Variants in MBD5 observed in about 807,000 individuals in gnomAD.
MBD5 encodes the protein methyl-CpG binding domain protein 5.
Under a neutral mutation model 117.3 loss-of-function variants are expected in MBD5, and 13 were observed. The observed-to-expected ratio is 0.11, with a 90% confidence interval of 0.07 to 0.18. The LOEUF (loss-of-function observed/expected upper bound fraction) is 0.18, where lower values mean the gene tolerates loss of function less well. Ranked by LOEUF, MBD5 falls within the 10% of genes least tolerant of loss-of-function variation. The pLI is 1.00. For synonymous variants in MBD5, 727 were observed against 766.4 expected, an observed-to-expected ratio of 0.95 and a Z score of 0.85; for missense variants, 1,879 against 2,093.8, an observed-to-expected ratio of 0.90 and a Z score of 2.00.
In MBD5 at chr2:148,484,135, G is replaced by T; in HGVS notation, c.3544G>T (p.Gly1182Cys). 5 of 1,405,106 alleles carry T rather than the reference G, an allele frequency of 3.6e-6. No individual in the cohort carries two copies. The highest frequency in any genetic ancestry group is 3.4e-5 in the South Asian group (2 of 58,972). 87.0% of individuals were successfully genotyped at this position (1,405,106 alleles called of 1,614,324 possible). ...LNPLLGTGLL[G>C]DMSSINNTLS... ...CCCTCTACTGGGGACAGGTCTACTT[G>T]GTAAGTTAAATTTTTTCACAAATTT... Residue 1182 changes from glycine (G) to cysteine (C), a missense_variant and splice_region_variant, in exon 9 of 14, where the codon GGT becomes TGT. By Grantham distance (159) the Gly-to-Cys change is radical (BLOSUM62 -3). Coordinates refer to ENST00000642680, the MANE Select transcript of MBD5 (RefSeq NM_001378120.1).
At chr2:148,037,764 C>T (rs1694235178) in intron 1 of MBD5, among the ~76,000 whole-genome samples, 1 of 151,918 alleles carries the variant, frequency 6.6e-6, no homozygotes, top group Admixed American at 6.6e-5. Flanking sequence ...CATAAATGTT[C>T]ATTAATTCAG....
chr2:148,239,713 A>ACACACACACACACACACACT (rs1211619742), intron 3 of MBD5, among the ~76,000 whole-genome samples: 2 of 151,818 alleles, frequency 1.3e-5, no homozygotes, highest in Non-Finnish European at 2.9e-5. Flanking sequence ...ACACACACAC[A>ACACACACACACACACACACT]CACACATATA....
chr2:148,197,428 GT>G (rs1314245767), intron 2 of MBD5, among the ~76,000 whole-genome samples: 1 of 152,162 alleles, frequency 6.6e-6, no homozygotes, highest in Non-Finnish European at 1.5e-5. Context: ...ACAAAAAAAG[GT>G]TCTGTTTCCA....
chr2:148,172,307 G>C (rs1005564955), intron 1 of MBD5, among the ~76,000 whole-genome samples: 13 of 152,198 alleles, frequency 8.5e-5, no homozygotes, highest in African/African-American at 3.1e-4. Context: ...CTGCTGCCTG[G>C]CCTCTCCTTG....
At chr2:148,487,494 A>G (rs1681375464) in intron 10 of MBD5, among the ~76,000 whole-genome samples, 1 of 152,204 alleles carries the variant, frequency 6.6e-6, no homozygotes, top group African/African-American at 2.4e-5. Context: ...TAATATATAT[A>G]TCTTCCATAG....
chr2:148,211,383 A>G (rs1699418208), intron 2 of MBD5, among the ~76,000 whole-genome samples: 1 of 152,164 alleles, frequency 6.6e-6, no homozygotes, highest in Non-Finnish European at 1.5e-5. Flanking sequence ...TTCATTTGGT[A>G]TAAAAAGAAT....
At chr2:148,039,518 T>G (rs1694297949) in intron 1 of MBD5, among the ~76,000 whole-genome samples, 1 of 152,128 alleles carries the variant, frequency 6.6e-6, no homozygotes, top group African/African-American at 2.4e-5. Context: ...ACTCGAGGCT[T>G]AAAATGTTGG....
chr2:148,498,226 C>T (rs921438532), intron 11 of MBD5, among the ~76,000 whole-genome samples: 1 of 152,214 alleles, frequency 6.6e-6, no homozygotes, highest in African/African-American at 2.4e-5. Flanking sequence ...AGCTCTGCTT[C>T]AGCAATAAGG....
intron 3 of MBD5, among the ~76,000 whole-genome samples, chr2:148,306,759 A>G (rs922209278): frequency 1.3e-5 from 2 of 152,194 alleles, no homozygotes; most frequent in Non-Finnish European, 2.9e-5. Context: ...TTATGAACCC[A>G]TCAACTTCTA....
At chr2:148,424,298 T>A (rs1221984956) in intron 4 of MBD5, among the ~76,000 whole-genome samples, 1 of 142,918 alleles carries the variant, frequency 7.0e-6, no homozygotes, top group African/African-American at 2.5e-5. Flanking sequence ...GGGCATTACA[T>A]AATGATAAAG....
At chr2:148,116,168 C>T (rs1046831369) in intron 1 of MBD5, among the ~76,000 whole-genome samples, 25 of 150,352 alleles carry the variant, frequency 1.7e-4, no homozygotes, top group African/African-American at 5.9e-4. Context: ...TAAATATTTA[C>T]GTTTACCTAC....
intron 4 of MBD5, among the ~76,000 whole-genome samples, chr2:148,388,849 ATTATAATT>A (rs1470638678): frequency 5.3e-5 from 8 of 152,098 alleles, no homozygotes; most frequent in Admixed American, 2.0e-4. Context: ...ATTCAAAATT[ATTATAATT>A]TCAGGGGATA....
intron 2 of MBD5, among the ~76,000 whole-genome samples, chr2:148,180,356 A>ATATATATATATATATATATG (rs1316273046): frequency 1.7e-5 from 2 of 118,450 alleles, no homozygotes; most frequent in Admixed American, 8.5e-5. Flanking sequence ...ATATATATAT[A>ATATATATATATATATATATG]TATATGTATA....
chr2:148,158,986 T>A (rs1697940151), intron 1 of MBD5, among the ~76,000 whole-genome samples: 1 of 152,240 alleles, frequency 6.6e-6, no homozygotes, highest in South Asian at 2.1e-4. Context: ...CCTCCCAAAG[T>A]GCTGGGATTA....
chr2:148,413,487 G>A (rs1705326833), intron 4 of MBD5, among the ~76,000 whole-genome samples: 1 of 149,966 alleles, frequency 6.7e-6, no homozygotes, highest in Non-Finnish European at 1.5e-5. Context: ...GAGTGAATTA[G>A]GGAAGAGTCC....
chr2:148,030,107 T>A (rs1055741399), intron 1 of MBD5, among the ~76,000 whole-genome samples: 3 of 151,812 alleles, frequency 2.0e-5, no homozygotes, highest in Non-Finnish European at 4.4e-5. Flanking sequence ...CCCATCTCTA[T>A]TAAAAATACA....
At chr2:148,378,054 A>T (rs1704039537) in intron 4 of MBD5, among the ~76,000 whole-genome samples, 1 of 152,172 alleles carries the variant, frequency 6.6e-6, no homozygotes, top group Non-Finnish European at 1.5e-5. Flanking sequence ...GTAAACCAGT[A>T]ACCTTCCTGT....
intron 1 of MBD5, among the ~76,000 whole-genome samples, chr2:148,041,639 G>A (rs867077751): frequency 3.3e-5 from 5 of 152,042 alleles, no homozygotes; most frequent in Non-Finnish European, 2.9e-5. Context: ...CTGTACACAC[G>A]TTACACACTT....
intron 7 of MBD5, among the ~76,000 whole-genome samples, chr2:148,467,086 C>T (rs1030352529): frequency 6.6e-6 from 1 of 152,114 alleles, no homozygotes; most frequent in Non-Finnish European, 1.5e-5. Context: ...ATTCTCATCT[C>T]CTATGCCTGT....
Sources: gnomAD v4.1 joint callset for allele counts (sites outside exome capture counted in the v4.1 genomes callset) on GRCh38, gnomAD v4.1.1 for gene constraint, MANE v1.5 for transcripts, NCBI Gene and HGNC (gene_info 2026-07-23, HGNC 2026-07-21) for gene names.